GBE1: variants seen among roughly 807,000 people sequenced by gnomAD.
GBE1 encodes 1,4-alpha-glucan branching enzyme 1.
GBE1 carries 70 observed loss-of-function variants against 88.8 expected under a neutral mutation model. That is an observed-to-expected ratio of 0.79 (90% CI 0.65 to 0.96). GBE1 has a LOEUF of 0.96. Among genes scored for constraint, GBE1 ranks in the 40% least tolerant of loss-of-function variants. The pLI is 0.00. For missense variants in GBE1, 872 were observed against 871.0 expected, an observed-to-expected ratio of 1.00 and a Z score of -0.01; for synonymous variants, 284 against 300.1, an observed-to-expected ratio of 0.95 and a Z score of 0.56.
At chr3:81,726,358 T>C (rs1206926424) in intron 1 of GBE1, among the ~76,000 whole-genome samples, 2 of 152,122 alleles carry the variant, frequency 1.3e-5, no homozygotes, top group Non-Finnish European at 2.9e-5. Flanking sequence ...TTTGAGAATG[T>C]TGCTGGAAGT....
intron 10 of GBE1, among the ~76,000 whole-genome samples, chr3:81,581,681 A>T (rs1703734146): frequency 6.6e-6 from 1 of 152,176 alleles, no homozygotes; most frequent in Non-Finnish European, 1.5e-5. Flanking sequence ...TATGAAAAAA[A>T]TTAGTAAAAA....
intron 1 of GBE1, among the ~76,000 whole-genome samples, chr3:81,713,224 G>A (rs1705895731): frequency 6.6e-6 from 1 of 152,218 alleles, no homozygotes; most frequent in Non-Finnish European, 1.5e-5. Flanking sequence ...GAGATTAGGA[G>A]AAGGCTTTAG....
At chr3:81,555,651 T>G (rs866851310) in intron 12 of GBE1, among the ~76,000 whole-genome samples, 2 of 152,282 alleles carry the variant, frequency 1.3e-5, no homozygotes, top group South Asian at 2.1e-4. Flanking sequence ...CCAGATGACA[T>G]GTAATAATCT....
chr3:81,522,547 C>T (rs960990486), intron 14 of GBE1, among the ~76,000 whole-genome samples: 2 of 151,306 alleles, frequency 1.3e-5, no homozygotes, highest in African/African-American at 4.8e-5. Context: ...TCCTGCCCCC[C>T]CCAAATTTAA....
At chr3:81,541,453 C>CG (rs1703142066) in intron 12 of GBE1, among the ~76,000 whole-genome samples, 2 of 150,772 alleles carry the variant, frequency 1.3e-5, no homozygotes, top group Non-Finnish European at 3.0e-5. Flanking sequence ...GCAAGTTGCC[C>CG]CCCCCGCCAC....
chr3:81,620,818 G>C (rs376556730), intron 7 of GBE1, among the ~76,000 whole-genome samples: 69 of 152,272 alleles, frequency 4.5e-4, no homozygotes, highest in African/African-American at 1.6e-3. Flanking sequence ...GATGAGGACA[G>C]GAGATCTTCT....
intron 12 of GBE1, among the ~76,000 whole-genome samples, chr3:81,576,688 A>AC (rs927905124): frequency 5.3e-5 from 8 of 152,086 alleles, no homozygotes; most frequent in African/African-American, 1.7e-4. Context: ...AGGGAACTTG[A>AC]CCTGATACCT....
intron 12 of GBE1, among the ~76,000 whole-genome samples, chr3:81,538,376 A>G (rs972903794): frequency 6.6e-6 from 1 of 152,046 alleles, no homozygotes; most frequent in African/African-American, 2.4e-5. Flanking sequence ...AAATAAAAAT[A>G]TCATCCAAAT....
intron 12 of GBE1, among the ~76,000 whole-genome samples, chr3:81,565,397 A>G (rs1030826554): frequency 6.6e-6 from 1 of 152,180 alleles, no homozygotes; most frequent in African/African-American, 2.4e-5. Flanking sequence ...TTGTATTCCT[A>G]TCTATCAGAA....
At chr3:81,723,250 A>G (rs1248782224) in intron 1 of GBE1, among the ~76,000 whole-genome samples, 3 of 146,964 alleles carry the variant, frequency 2.0e-5, no homozygotes, top group African/African-American at 7.5e-5. Flanking sequence ...GTATTAAATA[A>G]AAGTTGTTTT....
At chr3:81,701,497 C>T (rs964165180) in intron 2 of GBE1, among the ~76,000 whole-genome samples, 2 of 151,590 alleles carry the variant, frequency 1.3e-5, no homozygotes, top group African/African-American at 4.8e-5. Flanking sequence ...ATAAAAAGAC[C>T]TTTGCAAATA....
intron 12 of GBE1, among the ~76,000 whole-genome samples, chr3:81,547,570 G>C (rs1346659004): frequency 6.6e-6 from 1 of 150,892 alleles, no homozygotes; most frequent in African/African-American, 2.4e-5. Flanking sequence ...CAGAAGCCCG[G>C]CATGCCAGCA....
intron 7 of GBE1, among the ~76,000 whole-genome samples, chr3:81,594,289 A>G (rs576552185): frequency 1.3e-5 from 2 of 152,216 alleles, no homozygotes; most frequent in East Asian, 3.9e-4. Flanking sequence ...TTTTAACATG[A>G]ATTCCAAAAC....
At chr3:81,754,855 C>T (rs1284050340) in intron 1 of GBE1, among the ~76,000 whole-genome samples, 1 of 152,102 alleles carries the variant, frequency 6.6e-6, no homozygotes, top group African/African-American at 2.4e-5. Flanking sequence ...TAGTCTAAGA[C>T]CTGAAACTAT....
At chr3:81,523,930 G>C (rs1386565060) in intron 14 of GBE1, among the ~76,000 whole-genome samples, 1 of 151,684 alleles carries the variant, frequency 6.6e-6, no homozygotes, top group African/African-American at 2.4e-5. Flanking sequence ...TCCAAATCTT[G>C]GCTATAGTGA....
intron 7 of GBE1, among the ~76,000 whole-genome samples, chr3:81,631,366 A>C (rs952742582): frequency 5.9e-5 from 9 of 151,324 alleles, no homozygotes; most frequent in African/African-American, 2.2e-4. Flanking sequence ...AGTAGTCCAC[A>C]TAAAATCTAC....
intron 7 of GBE1, among the ~76,000 whole-genome samples, chr3:81,600,037 G>A (rs1704010925): frequency 6.6e-6 from 1 of 152,150 alleles, no homozygotes; most frequent in African/African-American, 2.4e-5. Context: ...ACTTTGGGAG[G>A]CCAAGGCGGG....
chr3:81,627,639 G>T (rs191246197), intron 7 of GBE1, among the ~76,000 whole-genome samples: 1 of 151,726 alleles, frequency 6.6e-6, no homozygotes, highest in Non-Finnish European at 1.5e-5. Flanking sequence ...ACATCAATTC[G>T]AGCTCAACTG....
intron 12 of GBE1, among the ~76,000 whole-genome samples, chr3:81,547,107 C>T (rs551110216): frequency 2.6e-5 from 4 of 151,418 alleles, no homozygotes; most frequent in South Asian, 2.1e-4. Flanking sequence ...GGCGAACTTT[C>T]GGCACGTGGG....
Sources: allele counts gnomAD v4.1 joint callset (sites outside exome capture counted in the v4.1 genomes callset), GRCh38; gene constraint gnomAD v4.1.1; transcripts MANE v1.5; gene names NCBI Gene and HGNC (gene_info 2026-07-23, HGNC 2026-07-21).